AOPEP: variants seen among roughly 807,000 people sequenced by gnomAD.
AOPEP encodes aminopeptidase O (putative), also known as aminopeptidase O.
A neutral mutation model predicts 98.1 loss-of-function variants in AOPEP; 77 were observed. The ratio of observed to expected loss-of-function variants is 0.78; its 90% confidence interval spans 0.65 to 0.95. The LOEUF (loss-of-function observed/expected upper bound fraction) is 0.95, where lower values mean the gene tolerates loss of function less well. Among genes scored for constraint, AOPEP ranks in the 40% least tolerant of loss-of-function variants. AOPEP has a pLI of 0.00. For synonymous variants in AOPEP, 346 were observed against 365.3 expected, an observed-to-expected ratio of 0.95 and a Z score of 0.60; for missense variants, 1,024 against 1,024.7, an observed-to-expected ratio of 1.00 and a Z score of 0.01.
chr9:95,034,366 A>G (rs988058122), intron 13 of AOPEP, among the ~76,000 whole-genome samples: 2 of 152,208 alleles, frequency 1.3e-5, no homozygotes, highest in African/African-American at 4.8e-5. Context: ...TCCTTGCAAT[A>G]TAGGTGGGTT....
At chr9:94,831,184 G>A (rs1273725263) in intron 5 of AOPEP, among the ~76,000 whole-genome samples, 3 of 151,952 alleles carry the variant, frequency 2.0e-5, no homozygotes, top group Non-Finnish European at 4.4e-5. Flanking sequence ...TATAGTTTTG[G>A]GTTTTACATT....
At chr9:94,880,212 G>C (rs146590158) in intron 5 of AOPEP, among the ~76,000 whole-genome samples, 5,702 of 152,222 alleles carry the variant, frequency 0.037, 144 homozygotes, top group Non-Finnish European at 0.059. Context: ...TAATCATAAC[G>C]ATCTGTGATG....
chr9:94,746,964 G>A (rs1292068050), intron 1 of AOPEP, among the ~76,000 whole-genome samples: 2 of 151,662 alleles, frequency 1.3e-5, no homozygotes, highest in Non-Finnish European at 2.9e-5. Context: ...CTTTGACTGA[G>A]ACTGACTTGG....
chr9:94,730,956 C>T (rs763502216), intron 1 of AOPEP, among the ~76,000 whole-genome samples: 2 of 152,146 alleles, frequency 1.3e-5, no homozygotes, highest in Non-Finnish European at 2.9e-5. Context: ...TAATTTGCTA[C>T]GTGCAGTGAA....
At chr9:94,945,193 C>T (rs1001927253) in intron 7 of AOPEP, among the ~76,000 whole-genome samples, 1 of 152,184 alleles carries the variant, frequency 6.6e-6, no homozygotes, top group Non-Finnish European at 1.5e-5. Flanking sequence ...AGTGTATACA[C>T]ACAAGATTGT....
the AOPEP span, among the ~76,000 whole-genome samples, chr9:95,096,317 C>T: frequency 6.6e-6 from 1 of 152,306 alleles, no homozygotes; most frequent in African/African-American, 2.4e-5. Context: ...AGCTTCCTGG[C>T]TCCCCGACGG....
chr9:95,010,290 A>G (rs2062400717), intron 13 of AOPEP, among the ~76,000 whole-genome samples: 1 of 152,156 alleles, frequency 6.6e-6, no homozygotes, highest in Admixed American at 6.5e-5. Flanking sequence ...TCAGTTTATG[A>G]TCTCTGAAAA....
At chr9:95,122,639 A>G in the AOPEP span, among the ~76,000 whole-genome samples, 1 of 152,204 alleles carries the variant, frequency 6.6e-6, no homozygotes, top group African/African-American at 2.4e-5. Context: ...AAGCAACTGC[A>G]ACATCAGTCC....
chr9:94,907,945 C>G (rs556058024), intron 5 of AOPEP, among the ~76,000 whole-genome samples: 1 of 152,318 alleles, frequency 6.6e-6, no homozygotes, highest in African/African-American at 2.4e-5. Flanking sequence ...ATTCTTTGAA[C>G]TGCTGGTTTC....
At chr9:94,848,277 C>G (rs1410564051) in intron 5 of AOPEP, among the ~76,000 whole-genome samples, 4 of 151,838 alleles carry the variant, frequency 2.6e-5, no homozygotes, top group Non-Finnish European at 5.9e-5. Context: ...ACGGTGAAAC[C>G]CCATCTGTAC....
chr9:94,847,544 T>G (rs2135058467), intron 5 of AOPEP, among the ~76,000 whole-genome samples: 1 of 152,356 alleles, frequency 6.6e-6, no homozygotes, highest in South Asian at 2.1e-4. Flanking sequence ...ATTGAATAGA[T>G]TCTTATAGAT....
At chr9:94,921,758 C>T (rs1051099317) in intron 5 of AOPEP, among the ~76,000 whole-genome samples, 4 of 152,132 alleles carry the variant, frequency 2.6e-5, no homozygotes, top group Admixed American at 6.5e-5. Flanking sequence ...CGGAGGCTTT[C>T]GATTCAGGTT....
chr9:95,049,560 G>A (rs1311881074), intron 13 of AOPEP, among the ~76,000 whole-genome samples: 1 of 151,942 alleles, frequency 6.6e-6, no homozygotes, highest in Admixed American at 6.6e-5. Flanking sequence ...CTGTAACTTC[G>A]GGAAGTTATA....
At chr9:94,910,012 A>G (rs147475260) in intron 5 of AOPEP, among the ~76,000 whole-genome samples, 25 of 152,166 alleles carry the variant, frequency 1.6e-4, no homozygotes, top group African/African-American at 6.0e-4. Context: ...TAGCACATCC[A>G]TACTCCCCAG....
At chr9:94,781,356 A>G (rs1843204977) in intron 3 of AOPEP, among the ~76,000 whole-genome samples, 1 of 152,126 alleles carries the variant, frequency 6.6e-6, no homozygotes, top group African/African-American at 2.4e-5. Context: ...TGTTCTTTAT[A>G]ATCAGGCAGA....
At chr9:95,038,026 G>A (rs921448536) in intron 13 of AOPEP, among the ~76,000 whole-genome samples, 2 of 152,146 alleles carry the variant, frequency 1.3e-5, no homozygotes, top group African/African-American at 4.8e-5. Context: ...CCATCCAGCT[G>A]TCTGTCCGTC....
chr9:94,813,018 CA>C (rs552194630), intron 5 of AOPEP, among the ~76,000 whole-genome samples: 1 of 147,080 alleles, frequency 6.8e-6, no homozygotes, highest in African/African-American at 2.5e-5. Context: ...TTTTTAGAGG[CA>C]AAAAAAAAGG....
chr9:95,036,345 A>G (rs1223434461), intron 13 of AOPEP, among the ~76,000 whole-genome samples: 1 of 152,228 alleles, frequency 6.6e-6, no homozygotes, highest in Non-Finnish European at 1.5e-5. Context: ...AATTTATCTG[A>G]TAGGTCTTAC....
intron 1 of AOPEP, among the ~76,000 whole-genome samples, chr9:94,740,820 G>A (rs945733091): frequency 2.0e-5 from 3 of 152,204 alleles, no homozygotes; most frequent in Non-Finnish European, 4.4e-5. Flanking sequence ...AAATTCCTGT[G>A]TTTTAGTTTC....
Sources: allele counts gnomAD v4.1 joint callset (sites outside exome capture counted in the v4.1 genomes callset), GRCh38; gene constraint gnomAD v4.1.1; transcripts MANE v1.5; gene names NCBI Gene and HGNC (gene_info 2026-07-23, HGNC 2026-07-21).